Variants in MAML2 observed in about 807,000 individuals in gnomAD.
MAML2 encodes mastermind like transcriptional coactivator 2, also known as mastermind-like protein 2.
Under a neutral mutation model 96.1 loss-of-function variants are expected in MAML2, and 22 were observed. The ratio of observed to expected loss-of-function variants is 0.23; its 90% confidence interval spans 0.16 to 0.33. The LOEUF (loss-of-function observed/expected upper bound fraction) is 0.33. Ranked by LOEUF, MAML2 falls within the 10% of genes least tolerant of loss-of-function variation. MAML2 has a pLI of 1.00. For missense variants in MAML2, 1,367 were observed against 1,392.4 expected (o/e 0.98, Z 0.29); for synonymous variants, 561 against 521.3 (o/e 1.08, Z -1.04).
rs916517990 is a variant in MAML2, at chr11:96,123,402, A to G, written c.514-29885T>C. On this transcript the variant is annotated intron_variant, in intron 1 of 4. Coordinates refer to ENST00000524717, the MANE Select transcript of MAML2 (RefSeq NM_032427.4). ...TCATGGAGTCCTCCGCAACTCATCCAGAGACTTGCACCTAGTAAGAGCCCA... is the reference window on the plus strand; with the variant it reads ...TCATGGAGTCCTCCGCAACTCATCCGGAGACTTGCACCTAGTAAGAGCCCA... 2.6e-5 allele frequency among the ~76,000 whole-genome samples: 4 copies of G among 152,106 alleles called. No individual in the cohort carries two copies. The East Asian group carries it at 7.8e-4, about 29-fold the overall frequency.
chr11:95,994,665 T>G (rs1857965220), intron 2 of MAML2, among the ~76,000 whole-genome samples: 1 of 152,164 alleles, frequency 6.6e-6, no homozygotes, highest in Non-Finnish European at 1.5e-5. Context: ...GAGATGGTAG[T>G]TTGCTTTCTA....
chr11:96,340,294 G>C (rs918671599), intron 1 of MAML2, among the ~76,000 whole-genome samples: 2 of 152,192 alleles, frequency 1.3e-5, no homozygotes, highest in Non-Finnish European at 2.9e-5. Context: ...GCCATTTCCT[G>C]TCGCTTTTGC....
At chr11:96,068,444 AC>A (rs1363559858) in intron 2 of MAML2, among the ~76,000 whole-genome samples, 1 of 112,296 alleles carries the variant, frequency 8.9e-6, no homozygotes, top group Non-Finnish European at 2.0e-5. Flanking sequence ...TACTTCACAC[AC>A]ACACACACAC....
rs76682411 is a variant in MAML2 at position 96,011,620 on chromosome 11, T to A, written c.2140-19897A>T. ...CAGACAAAGTACCCATTGGGTACTA[T>A]GTTCACTATTTGGGTGACGGGATCA... On this transcript the variant is annotated intron_variant, in intron 2 of 4. Transcript: ENST00000524717. Among the ~76,000 whole-genome samples the A allele has an allele frequency of 8.9e-3, 1,356 of 152,278 alleles. 60 individuals carry two copies. The highest frequency in any genetic ancestry group is 0.072 in the Admixed American group (1,105 of 15,298).
At chr11:96,040,573 C>T (rs1174563935) in intron 2 of MAML2, among the ~76,000 whole-genome samples, 4 of 152,138 alleles carry the variant, frequency 2.6e-5, no homozygotes, top group East Asian at 1.9e-4. Flanking sequence ...TTGAGAACAG[C>T]CTGACCAACA....
chr11:96,206,533 G>C (rs1591072253), intron 1 of MAML2, among the ~76,000 whole-genome samples: 1 of 152,318 alleles, frequency 6.6e-6, no homozygotes, highest in African/African-American at 2.4e-5. Flanking sequence ...AGGAGGCGGA[G>C]GTTGCAGTGA....
intron 1 of MAML2, among the ~76,000 whole-genome samples, chr11:96,116,020 T>C (rs1396496909): frequency 6.6e-6 from 1 of 152,020 alleles, no homozygotes; most frequent in African/African-American, 2.4e-5. Context: ...GCTGGTAAAC[T>C]TTTTTTTCCC....
chr11:96,060,146 G>A (rs1859132360), intron 2 of MAML2, among the ~76,000 whole-genome samples: 1 of 152,188 alleles, frequency 6.6e-6, no homozygotes, highest in Admixed American at 6.5e-5. Context: ...ATGGTAAAGT[G>A]AGGCAAGAAC....
At chr11:96,230,012 G>GA (rs1862269562) in intron 1 of MAML2, among the ~76,000 whole-genome samples, 1 of 152,124 alleles carries the variant, frequency 6.6e-6, no homozygotes, top group African/African-American at 2.4e-5. Flanking sequence ...TAAGTTTTCA[G>GA]AATTGTTATC....
chr11:96,196,138 A>C (rs1284822217), intron 1 of MAML2, among the ~76,000 whole-genome samples: 2 of 152,198 alleles, frequency 1.3e-5, no homozygotes, highest in Non-Finnish European at 2.9e-5. Context: ...ATGTAAGTAA[A>C]AGTGACTATT....
chr11:96,026,908 T>C (rs1858532833), intron 2 of MAML2, among the ~76,000 whole-genome samples: 1 of 148,226 alleles, frequency 6.7e-6, no homozygotes, highest in South Asian at 2.2e-4. Flanking sequence ...AAATAAATAC[T>C]CTAATCAAAT....
rs576026386 is a variant in MAML2, at chr11:96,219,830, T to C, written c.513+121553A>G. Among the ~76,000 whole-genome samples, 7 of 152,312 alleles carry C rather than the reference T, an allele frequency of 4.6e-5. No individual in the cohort carries two copies. The South Asian group carries it at 1.4e-3, about 32-fold the overall frequency. ...TAGTAGAGATGGGGTTTCATCATGTTGGTCAGGCTGGTCTCGAACTCCTGA... is the reference window on the plus strand; with the variant it reads ...TAGTAGAGATGGGGTTTCATCATGTCGGTCAGGCTGGTCTCGAACTCCTGA... On this transcript the variant is annotated intron_variant, in intron 1 of 4. Coordinates refer to ENST00000524717, the MANE Select transcript of MAML2 (RefSeq NM_032427.4).
chr11:96,053,083 G>T (rs1859012116), intron 2 of MAML2, among the ~76,000 whole-genome samples: 1 of 152,214 alleles, frequency 6.6e-6, no homozygotes, highest in South Asian at 2.1e-4. Context: ...TAAGTTTGGG[G>T]AACAGAAAGT....
intron 1 of MAML2, among the ~76,000 whole-genome samples, chr11:96,178,990 C>T (rs1283752654): frequency 6.6e-6 from 1 of 152,166 alleles, no homozygotes. Context: ...TGCAGTGCTG[C>T]AGGCTGTACA....
chr11:96,203,553 C>A lies in MAML2; in HGVS notation c.514-110036G>T, dbSNP rs147437281. On this transcript the variant is annotated intron_variant, in intron 1 of 4. Transcript: ENST00000524717. Reference sequence around the variant, plus strand: ...CAGCCGGCAAGCTGCTAGGAGCAAGCCTTTACAAAAAAAAGTAAAAGAAAA... The same window carrying A: ...CAGCCGGCAAGCTGCTAGGAGCAAGACTTTACAAAAAAAAGTAAAAGAAAA... Among the ~76,000 whole-genome samples, 49 of 152,116 alleles carry A rather than the reference C, an allele frequency of 3.2e-4. No individual in the cohort carries two copies. The East Asian group carries it at 9.1e-3, about 28-fold the overall frequency.
At chr11:96,047,684 G>A (rs1321195462) in intron 2 of MAML2, among the ~76,000 whole-genome samples, 2 of 152,044 alleles carry the variant, frequency 1.3e-5, no homozygotes, top group Non-Finnish European at 2.9e-5. Flanking sequence ...GCCGAGGCAG[G>A]TAGATCACGA....
intron 1 of MAML2, among the ~76,000 whole-genome samples, chr11:96,332,268 A>T (rs896093179): frequency 1.3e-5 from 2 of 152,200 alleles, no homozygotes; most frequent in Non-Finnish European, 2.9e-5. Context: ...CAGATCGGAG[A>T]GGTGAAAGGG....
intron 2 of MAML2, among the ~76,000 whole-genome samples, chr11:96,004,567 C>A (rs910087952): frequency 3.9e-5 from 6 of 152,076 alleles, no homozygotes; most frequent in African/African-American, 1.4e-4. Flanking sequence ...CAAGAAAATT[C>A]TCACATGTCT....
intron 1 of MAML2, among the ~76,000 whole-genome samples, chr11:96,224,729 A>G (rs535059026): frequency 6.6e-6 from 1 of 152,344 alleles, no homozygotes; most frequent in Non-Finnish European, 1.5e-5. Flanking sequence ...CCCAGAGCAC[A>G]TGACATAGTA....
Sources: gnomAD v4.1 joint callset for allele counts (sites outside exome capture counted in the v4.1 genomes callset) on GRCh38, gnomAD v4.1.1 for gene constraint, MANE v1.5 for transcripts, NCBI Gene and HGNC (gene_info 2026-07-23, HGNC 2026-07-21) for gene names.